TRERF1: variants seen among roughly 807,000 people sequenced by gnomAD.
The protein encoded by TRERF1 is transcriptional regulating factor 1.
A neutral mutation model predicts 122.9 loss-of-function variants in TRERF1; 27 were observed. That is an observed-to-expected ratio of 0.22 (90% confidence interval 0.16 to 0.30). TRERF1 has a LOEUF of 0.30. Ranked by LOEUF, TRERF1 falls within the 10% of genes least tolerant of loss-of-function variation. TRERF1 has a pLI of 1.00. For synonymous variants in TRERF1, 636 were observed against 641.7 expected (o/e 0.99, Z 0.13); for missense variants, 1,248 against 1,560.3 (o/e 0.80, Z 3.37).
chr6:42,323,982 C>A (rs1375547684), intron 3 of TRERF1, among the ~76,000 whole-genome samples: 1 of 152,142 alleles, frequency 6.6e-6, no homozygotes, highest in Admixed American at 6.5e-5. Flanking sequence ...ATGTTTGAGG[C>A]AACAGGGACA....
At chr6:42,238,349 C>T (rs994714464) in intron 15 of TRERF1, among the ~76,000 whole-genome samples, 39 of 152,338 alleles carry the variant, frequency 2.6e-4, no homozygotes, top group African/African-American at 8.9e-4. Flanking sequence ...ATAAGTCACA[C>T]TGTACCATGA....
At position 42,269,941 on chromosome 6, in the gene TRERF1, C is replaced by T. The variant is rs73733139; in HGVS notation, c.-258-93G>A. ...CACCATGACCAGTGATAAAAATAAACATATAATCCCAGCTACCTGGGAGGC... is the reference window on the plus strand; with the variant it reads ...CACCATGACCAGTGATAAAAATAAATATATAATCCCAGCTACCTGGGAGGC... On this transcript the variant is annotated intron_variant, in intron 4 of 17. Coordinates refer to ENST00000372922, the Ensembl canonical transcript of TRERF1. This position sits in a 1 kb window ranked among gnomAD's most constrained non-coding sequence, Gnocchi z 4.9. 5,179 of 225,496 alleles carry T rather than the reference C, an allele frequency of 0.023. 258 individuals are homozygous for T. The highest frequency in any genetic ancestry group is 0.11 in the African/African-American group (4,723 of 43,716). The allele number at this position is 225,496 out of a possible 1,614,324, so 14.0% of individuals were successfully genotyped here.
intron 2 of TRERF1, among the ~76,000 whole-genome samples, chr6:42,400,937 A>G (rs1266796916): frequency 6.6e-6 from 1 of 152,220 alleles, no homozygotes; most frequent in Non-Finnish European, 1.5e-5. Flanking sequence ...CCGAGTCCCA[A>G]CTGGGGCCTT....
intron 16 of TRERF1, among the ~76,000 whole-genome samples, chr6:42,234,043 C>T (rs1771488360): frequency 6.6e-6 from 1 of 152,118 alleles, no homozygotes; most frequent in Non-Finnish European, 1.5e-5. Flanking sequence ...GGGTGGGGGG[C>T]TCTGTTGTAT....
chr6:42,290,856 G>A (rs1784213853), intron 4 of TRERF1, among the ~76,000 whole-genome samples: 1 of 146,950 alleles, frequency 6.8e-6, no homozygotes, highest in African/African-American at 2.5e-5. Context: ...CTGCTCCAGT[G>A]ACCACATGGT....
intron 4 of TRERF1, among the ~76,000 whole-genome samples, chr6:42,278,369 G>A (rs1781682184): frequency 6.6e-6 from 1 of 152,196 alleles, no homozygotes; most frequent in African/African-American, 2.4e-5. Context: ...TGCTCTGGGA[G>A]ACTAGAATGG....
At chr6:42,348,058 A>G (rs1768669314) in intron 3 of TRERF1, among the ~76,000 whole-genome samples, 2 of 152,196 alleles carry the variant, frequency 1.3e-5, no homozygotes, top group Non-Finnish European at 2.9e-5. Flanking sequence ...AGTGACCTTC[A>G]CAAATGTGAG....
chr6:42,417,642 C>T (rs956323206), intron 2 of TRERF1, among the ~76,000 whole-genome samples: 18 of 152,190 alleles, frequency 1.2e-4, no homozygotes, highest in East Asian at 1.9e-4. Flanking sequence ...GGCTGAAGAC[C>T]GGCATCTGCC....
At chr6:42,325,692 G>A (rs917265059) in intron 3 of TRERF1, among the ~76,000 whole-genome samples, 24 of 152,238 alleles carry the variant, frequency 1.6e-4, no homozygotes, top group Admixed American at 4.6e-4. Context: ...TGGAGAACAC[G>A]GTGAAACCCT....
chr6:42,435,624 T>C (rs1785192664), intron 2 of TRERF1, among the ~76,000 whole-genome samples: 1 of 152,152 alleles, frequency 6.6e-6, no homozygotes, highest in Non-Finnish European at 1.5e-5. Context: ...CAAAGTATTA[T>C]TTATAATAGT....
intron 4 of TRERF1, among the ~76,000 whole-genome samples, chr6:42,297,782 A>G (rs1310424284): frequency 1.3e-5 from 2 of 152,190 alleles, no homozygotes; most frequent in Non-Finnish European, 2.9e-5. Context: ...AAGACAACTC[A>G]ACCCACACCT....
In TRERF1 at chr6:42,269,153, G is replaced by C; in HGVS notation, c.438C>G (p.Phe146Leu). Reference sequence around the variant, plus strand: ...GGTTTTGGTTGGCAAACACCTGGGTGAAAGAGTCCAGCTTGTGTAAGACAC... The same window carrying C: ...GGTTTTGGTTGGCAAACACCTGGGTCAAAGAGTCCAGCTTGTGTAAGACAC... The change falls in exon 5 of 18, where the codon TTC (phenylalanine) becomes TTG (leucine). Residue 146 changes from phenylalanine to leucine, a missense_variant. By Grantham distance (22) the Phe-to-Leu change is conservative (BLOSUM62 0). Coordinates refer to ENST00000372922, the Ensembl canonical transcript of TRERF1. The surrounding 1 kb of genome is among the most constrained non-coding windows in gnomAD (Gnocchi z 4.9). 1.2e-6 allele frequency: 2 copies of C among 1,614,232 alleles called. No homozygotes were observed. Among genetic ancestry groups the C allele is most frequent in the Non-Finnish European group, 1.7e-6 (2 of 1,180,040 alleles).
chr6:42,386,425 A>G lies in TRERF1; in HGVS notation c.-453-23346T>C, dbSNP rs76606469. On this transcript the variant is annotated intron_variant, in intron 2 of 17. Transcript: ENST00000372922. The stretch of plus-strand genomic sequence containing the variant: ...GCCATTGCATTCCAGCCTGGGCGAC[A>G]TAGCGAGACCCTGTTTCAAAAAAAG... Among the ~76,000 whole-genome samples, 389 of 152,324 alleles carry G rather than the reference A, an allele frequency of 2.6e-3. 1 individual carries two copies. The highest frequency in any genetic ancestry group is 9.1e-3 in the African/African-American group (377 of 41,570).
chr6:42,238,111 T>C (rs1336572122), intron 15 of TRERF1, among the ~76,000 whole-genome samples: 1 of 152,028 alleles, frequency 6.6e-6, no homozygotes, highest in African/African-American at 2.4e-5. Context: ...CTCCACCATC[T>C]TTCCACCCCA....
chr6:42,440,307 A>T (rs1219773668), intron 2 of TRERF1, among the ~76,000 whole-genome samples: 1 of 152,166 alleles, frequency 6.6e-6, no homozygotes, highest in Non-Finnish European at 1.5e-5. Flanking sequence ...AAGGCAGCAT[A>T]GTCTAAGGAT....
At chr6:42,256,460 G>A (rs574703699) in intron 12 of TRERF1, among the ~76,000 whole-genome samples, 1 of 152,228 alleles carries the variant, frequency 6.6e-6, no homozygotes, top group Admixed American at 6.5e-5. Context: ...GCAAGATGTG[G>A]AAAAGAAATT....
At chr6:42,388,302 G>T (rs1002892278) in intron 2 of TRERF1, among the ~76,000 whole-genome samples, 2 of 150,944 alleles carry the variant, frequency 1.3e-5, no homozygotes, top group Admixed American at 1.3e-4. Context: ...AGTTGGGTTC[G>T]AATTATTTTT....
At chr6:42,398,344 T>C (rs954305702) in intron 2 of TRERF1, among the ~76,000 whole-genome samples, 2 of 152,212 alleles carry the variant, frequency 1.3e-5, no homozygotes. Context: ...ACCTCTGAGT[T>C]TGTGCAGTAT....
chr6:42,426,939 T>C (rs1450427135), intron 2 of TRERF1, among the ~76,000 whole-genome samples: 2 of 152,154 alleles, frequency 1.3e-5, no homozygotes, highest in Non-Finnish European at 2.9e-5. Context: ...TTTAAAACCT[T>C]ATATCAAATT....
Sources: gnomAD v4.1 joint callset for allele counts (sites outside exome capture counted in the v4.1 genomes callset) on GRCh38, gnomAD v4.1.1 for gene constraint, Gnocchi (gnomAD v3.1) non-coding constraint, MANE v1.5 for transcripts, NCBI Gene and HGNC (gene_info 2026-07-23, HGNC 2026-07-21) for gene names.